The following NETO1 variants were observed in gnomAD, a reference collection of about 807,000 sequenced individuals.
NETO1 encodes neuropilin and tolloid-like protein 1.
In NETO1, 26 loss-of-function variants were observed where a neutral mutation model predicts 61.3. That is an observed-to-expected ratio of 0.42 (90% CI 0.31 to 0.59). The LOEUF is 0.59. Among genes scored for constraint, NETO1 ranks in the 20% least tolerant of loss-of-function variants. The probability of loss-of-function intolerance (pLI) is 0.12; values close to 1 mark genes in which losing one functional copy is unlikely to be tolerated. For missense variants in NETO1, 531 were observed against 662.8 expected (o/e 0.80, Z 2.18); for synonymous variants, 225 against 225.8 (o/e 1.00, Z 0.03).
At chr18:72,837,138 G>C (rs1323982239) in intron 4 of NETO1, among the ~76,000 whole-genome samples, 1 of 152,122 alleles carries the variant, frequency 6.6e-6, no homozygotes, top group Non-Finnish European at 1.5e-5. Context: ...TTGTTCACAA[G>C]AGAATATTGT....
chr18:72,774,558 T>C (rs902506979), intron 7 of NETO1, among the ~76,000 whole-genome samples: 1 of 152,136 alleles, frequency 6.6e-6, no homozygotes, highest in Non-Finnish European at 1.5e-5. Flanking sequence ...TAAAGTAAAA[T>C]ACGGCACACT....
intron 4 of NETO1, among the ~76,000 whole-genome samples, chr18:72,850,799 T>C (rs751669893): frequency 6.1e-4 from 93 of 152,294 alleles, no homozygotes; most frequent in Middle Eastern, 3.4e-3. Flanking sequence ...GGAAATTTAG[T>C]GAGGGGTGTG....
At chr18:72,756,858 AAAT>A (rs2070801198) in intron 7 of NETO1, among the ~76,000 whole-genome samples, 1 of 152,142 alleles carries the variant, frequency 6.6e-6, no homozygotes, top group Non-Finnish European at 1.5e-5. Context: ...AAATATGGCT[AAAT>A]AATGATGAGA....
chr18:72,767,541 ATTAACT>A (rs1244729035), intron 7 of NETO1, among the ~76,000 whole-genome samples: 2 of 152,244 alleles, frequency 1.3e-5, no homozygotes, highest in Non-Finnish European at 2.9e-5. Context: ...ACTTAAGAAA[ATTAACT>A]TTAAATTTTA....
chr18:72,866,214 T>A (rs529788914), intron 1 of NETO1, among the ~76,000 whole-genome samples: 2 of 152,302 alleles, frequency 1.3e-5, no homozygotes, highest in Non-Finnish European at 2.9e-5. Flanking sequence ...TTAAAATGAA[T>A]TCGGGGGAGA....
At chr18:72,772,825 C>CTCTATATA (rs1568187563) in intron 7 of NETO1, among the ~76,000 whole-genome samples, 3 of 40,850 alleles carry the variant, frequency 7.3e-5, no homozygotes, top group Admixed American at 2.6e-4. Context: ...CTCTCTCTCT[C>CTCTATATA]TATATATATA....
In NETO1 at chr18:72,791,860, G is replaced by A. The variant is rs552095970; in HGVS notation, c.639+2257C>T. Among the ~76,000 whole-genome samples, 150 of 152,264 alleles carry A rather than the reference G, an allele frequency of 9.9e-4. 1 individual carries two copies. Among genetic ancestry groups the A allele is most frequent in the Middle Eastern group, 6.8e-3 (2 of 294 alleles). On this transcript the variant is annotated intron_variant, in intron 6 of 10. Coordinates refer to ENST00000327305, the MANE Select transcript of NETO1 (RefSeq NM_138966.5). ...TAATAAACTGCAACCTAGCTCTCTTGTAATACAGGTAGTGGGTTTTTATGG... is the reference window on the plus strand; with the variant it reads ...TAATAAACTGCAACCTAGCTCTCTTATAATACAGGTAGTGGGTTTTTATGG...
chr18:72,834,613 C>T, intron 4 of NETO1: 1 of 983,540 alleles, frequency 1.0e-6, no homozygotes, highest in Non-Finnish European at 1.2e-6. Context: ...GTTGGAGCTA[C>T]AGGAAATTTA....
At chr18:72,829,302 T>C (rs11662780) in intron 4 of NETO1, among the ~76,000 whole-genome samples, 45,106 of 151,750 alleles carry the variant, frequency 0.3, 7,135 homozygotes, top group Middle Eastern at 0.38. Context: ...ATGCAAACTT[T>C]CCTCAAGCTG....
At position 72,830,175 on chromosome 18, in the gene NETO1, C is replaced by CCA. The variant is rs981197468; in HGVS notation, c.469+28649_469+28650dup. Among the ~76,000 whole-genome samples the CCA allele has an allele frequency of 1.2e-4, 19 of 152,110 alleles. No individual in the cohort carries two copies. The highest frequency in any genetic ancestry group is 3.3e-4 in the Admixed American group (5 of 15,262). On this transcript the variant is annotated intron_variant, in intron 4 of 10. Coordinates refer to ENST00000327305, the MANE Select transcript of NETO1 (RefSeq NM_138966.5). This position sits in a 1 kb window ranked among gnomAD's most constrained non-coding sequence, Gnocchi z 4.9. Reference sequence around the variant, plus strand: ...ATAGAGGATCATGCATGTAAGCCGTCCACAGCATAGAGGAAGCGGCGGCAC... The same window carrying CCA: ...ATAGAGGATCATGCATGTAAGCCGTCCACACAGCATAGAGGAAGCGGCGGCAC...
intron 4 of NETO1, among the ~76,000 whole-genome samples, chr18:72,841,859 T>A (rs566273546): frequency 6.6e-6 from 1 of 152,288 alleles, no homozygotes; most frequent in South Asian, 2.1e-4. Flanking sequence ...TTTGTTTTAC[T>A]GTGTCACATG....
intron 6 of NETO1, among the ~76,000 whole-genome samples, chr18:72,793,298 AAC>A (rs1488064501): frequency 2.6e-4 from 39 of 152,250 alleles, no homozygotes; most frequent in Admixed American, 1.3e-3. Context: ...ATGAACAAAT[AAC>A]ATCTTAGACC....
intron 4 of NETO1, chr18:72,853,347 A>G (rs1288932502): frequency 6.6e-6 from 1 of 152,472 alleles, no homozygotes. Flanking sequence ...TTTTGCCATT[A>G]AAGGTAAAGG....
intron 7 of NETO1, among the ~76,000 whole-genome samples, chr18:72,766,421 G>A (rs1198117818): frequency 1.3e-5 from 2 of 151,970 alleles, no homozygotes; most frequent in Non-Finnish European, 2.9e-5. Context: ...TGGCCCATAG[G>A]CTATGTAATT....
intron 4 of NETO1, among the ~76,000 whole-genome samples, chr18:72,844,600 T>A (rs149491707): frequency 6.6e-6 from 1 of 152,210 alleles, no homozygotes; most frequent in African/African-American, 2.4e-5. Context: ...ATGAACAGAT[T>A]TTTTCGTATC....
At chr18:72,841,733 C>CAAAAAAAAAAAAAAAAA (rs1341296691) in intron 4 of NETO1, among the ~76,000 whole-genome samples, 1 of 70,992 alleles carries the variant, frequency 1.4e-5, no homozygotes. Flanking sequence ...GACTCTACCT[C>CAAAAAAAAAAAAAAAAA]AACAAAAAAA....
At chr18:72,785,016 C>T (rs1386664834) in intron 6 of NETO1, among the ~76,000 whole-genome samples, 1 of 152,128 alleles carries the variant, frequency 6.6e-6, no homozygotes, top group Admixed American at 6.5e-5. Context: ...GAGAGGGATA[C>T]CTAGAATGGT....
At chr18:72,839,734 C>A (rs1435942372) in intron 4 of NETO1, among the ~76,000 whole-genome samples, 1 of 152,104 alleles carries the variant, frequency 6.6e-6, no homozygotes, top group East Asian at 1.9e-4. Flanking sequence ...ATGAAAGGAA[C>A]AGAAAAATGG....
intron 7 of NETO1, among the ~76,000 whole-genome samples, chr18:72,774,485 A>G (rs2071478100): frequency 6.6e-6 from 1 of 152,164 alleles, no homozygotes; most frequent in South Asian, 2.1e-4. Flanking sequence ...GAGTCAATAA[A>G]TTTTCAAAAA....
Sources: gnomAD v4.1 joint callset for allele counts (sites outside exome capture counted in the v4.1 genomes callset) on GRCh38, gnomAD v4.1.1 for gene constraint, Gnocchi (gnomAD v3.1) non-coding constraint, MANE v1.5 for transcripts, NCBI Gene and HGNC (gene_info 2026-07-23, HGNC 2026-07-21) for gene names.